The following RGL3 variants were observed in gnomAD, a reference collection of about 807,000 sequenced individuals.
RGL3 encodes the protein ral guanine nucleotide dissociation stimulator-like 3.
RGL3 carries 85 observed loss-of-function variants against 90.6 expected under a neutral mutation model. The observed-to-expected ratio is 0.94, with a 90% CI of 0.79 to 1.12. The LOEUF (loss-of-function observed/expected upper bound fraction) is 1.12. Ranked by LOEUF, RGL3 falls within the 50% of genes most tolerant of loss-of-function variation. The pLI is 0.00. For missense variants in RGL3, 1,034 were observed against 939.2 expected, an observed-to-expected ratio of 1.10 and a Z score of -1.32; for synonymous variants, 408 against 385.5, an observed-to-expected ratio of 1.06 and a Z score of -0.68.
At chr19:11,416,696 A>C in intron 3 of RGL3, 29 bp from the exon 4 acceptor site, 2 of 1,611,128 alleles carry the variant, frequency 1.2e-6, no homozygotes, top group Non-Finnish European at 1.7e-6. Context: ...GCAGGTGAAG[A>C]AGGGGGAACC....
At chr19:11,416,191 G>A (rs1056278607) in intron 4 of RGL3, 43 bp from the exon 5 acceptor site, 2 of 1,402,390 alleles carry the variant, frequency 1.4e-6, no homozygotes, top group East Asian at 2.5e-5. Flanking sequence ...CCAGAGTGGG[G>A]GACATAGAAT....
At chr19:11,408,814 A>G (rs1190094561) in intron 5 of RGL3, 1 of 152,192 alleles carries the variant, frequency 6.6e-6, no homozygotes, top group African/African-American at 2.4e-5. Flanking sequence ...GATTGTTCAC[A>G]GTTACAGATC....
chr19:11,414,155 A>ATATATATATATATATATACACACC (rs1968922253), intron 5 of RGL3, among the ~76,000 whole-genome samples: 1 of 88,022 alleles, frequency 1.1e-5, no homozygotes, highest in Non-Finnish European at 2.2e-5. Flanking sequence ...ATATATATAT[A>ATATATATATATATATATACACACC]TATATATATA....
Position 11,405,884 on chromosome 19 carries a change from T to A in RGL3, c.997-458A>T, listed in dbSNP as rs533981488. Among the ~76,000 whole-genome samples, 3 of 143,916 alleles carry A rather than the reference T, an allele frequency of 2.1e-5. No individual in the cohort carries two copies. The East Asian group carries it at 5.8e-4, about 28-fold the overall frequency. 94.4% of individuals were successfully genotyped at this position (143,916 alleles called of 152,430 possible). ...CTAATTTTTTTGTAAGTCTCATTTTTAATTTTTTTAATTTTTTTTTTTTTT... is the reference window on the plus strand; with the variant it reads ...CTAATTTTTTTGTAAGTCTCATTTTAAATTTTTTTAATTTTTTTTTTTTTT... On this transcript the variant is annotated intron_variant, in intron 7 of 18. Transcript: ENST00000380456.
At chr19:11,411,059 A>G (rs764745563) in intron 5 of RGL3, among the ~76,000 whole-genome samples, 7 of 151,844 alleles carry the variant, frequency 4.6e-5, no homozygotes, top group Non-Finnish European at 1.0e-4. Context: ...AAATACAAAA[A>G]TTAGCTGGGC....
intron 5 of RGL3, 125 bp from the exon 6 acceptor site, chr19:11,406,989 A>T: frequency 9.9e-7 from 1 of 1,015,190 alleles, no homozygotes; most frequent in Non-Finnish European, 1.4e-6. Flanking sequence ...AGCTCTCTTA[A>T]ATTTTTTTTT....
rs150285646 is a variant in RGL3 at position 11,404,554 on chromosome 19, AC to A, written c.1185+592del. Among the ~76,000 whole-genome samples the A allele has an allele frequency of 3.2e-4, 48 of 151,086 alleles. 1 individual carries two copies. In the East Asian group the frequency reaches 8.1e-3, roughly 26 times the overall value. On this transcript the variant is annotated intron_variant, in intron 9 of 18. Coordinates refer to ENST00000380456, the MANE Select transcript of RGL3 (RefSeq NM_001035223.4). Reference sequence around the variant, plus strand: ...TACAAACAAACAAAGAAACAAAAAAACAAATGATGACGACAACAACAACAAC... The same window carrying A: ...TACAAACAAACAAAGAAACAAAAAAAAAATGATGACGACAACAACAACAAC...
intron 7 of RGL3, 68 bp from the exon 8 acceptor site, chr19:11,405,494 C>CTTTTTTTTTTTTTTTTTTT (rs771398199): frequency 2.4e-5 from 4 of 164,050 alleles, no homozygotes; most frequent in Non-Finnish European, 3.6e-5. Flanking sequence ...ACTTCTTCAT[C>CTTTTTTTTTTTTTTTTTTT]TTTTTTTTTT....
At chr19:11,414,080 T>C (rs1369583386) in intron 5 of RGL3, among the ~76,000 whole-genome samples, 2 of 137,142 alleles carry the variant, frequency 1.5e-5, no homozygotes, top group Non-Finnish European at 3.1e-5. Flanking sequence ...CAGGGGCTAG[T>C]GGATACCACA....
intron 5 of RGL3, among the ~76,000 whole-genome samples, chr19:11,412,944 C>T (rs554161304): frequency 4.0e-5 from 6 of 151,520 alleles, no homozygotes; most frequent in South Asian, 2.1e-4. Flanking sequence ...CCAGCCTAGG[C>T]GACAGAGCGA....
chr19:11,403,286 G>A (rs1968713025), intron 9 of RGL3, among the ~76,000 whole-genome samples: 1 of 149,718 alleles, frequency 6.7e-6, no homozygotes, highest in Admixed American at 6.6e-5. Flanking sequence ...CCGCCTGCCT[G>A]GGCCTCCCAA....
intron 5 of RGL3, among the ~76,000 whole-genome samples, chr19:11,409,054 G>A (rs937949604): frequency 3.3e-5 from 5 of 151,914 alleles, no homozygotes; most frequent in East Asian, 3.9e-4. Context: ...GCAAGTGCCT[G>A]TAATCCCAGC....
At chr19:11,413,253 G>A (rs1968902441) in intron 5 of RGL3, among the ~76,000 whole-genome samples, 1 of 146,970 alleles carries the variant, frequency 6.8e-6, no homozygotes, top group Non-Finnish European at 1.5e-5. Flanking sequence ...AAAAAAAAGC[G>A]GGCCAGGCAT....
Position 11,414,458 on chromosome 19 carries a change from T to C in RGL3, c.637+1479A>G, listed in dbSNP as rs867238736. Among the ~76,000 whole-genome samples, 38 of 93,500 alleles carry C rather than the reference T, an allele frequency of 4.1e-4. 1 individual carries two copies. The highest frequency in any genetic ancestry group is 7.5e-4 in the Admixed American group (6 of 8,048). The allele number at this position is 93,500 out of a possible 152,430, so 61.3% of individuals were successfully genotyped here. A position where few individuals can be genotyped will look rare whatever the true frequency, so the allele number is the denominator to read the frequency against. ...CTTCATATATATACATATATATATA[T>C]ACCTTCATATATATATATATATATA... On this transcript the variant is annotated intron_variant, in intron 5 of 18. Coordinates refer to ENST00000380456, the MANE Select transcript of RGL3 (RefSeq NM_001035223.4).
intron 5 of RGL3, among the ~76,000 whole-genome samples, chr19:11,415,476 G>T (rs901326922): frequency 2.0e-5 from 3 of 152,008 alleles, no homozygotes; most frequent in Admixed American, 1.3e-4. Flanking sequence ...TTCAGACAAA[G>T]AATTTGTTTT....
chr19:11,396,573 TG>T (rs1376703564), intron 18 of RGL3, among the ~76,000 whole-genome samples: 1 of 151,568 alleles, frequency 6.6e-6, no homozygotes, highest in Non-Finnish European at 1.5e-5. Context: ...CCCAAAGTGC[TG>T]GGATTACAGT....
chr19:11,400,019 A>T, intron 15 of RGL3, 21 bp downstream of exon 15: 2 of 1,602,524 alleles, frequency 1.2e-6, no homozygotes, highest in Non-Finnish European at 1.7e-6. Context: ...CCCCAGTCCC[A>T]TCACCAAGCA....
chr19:11,418,103 C>T (rs1969034774), intron 2 of RGL3, among the ~76,000 whole-genome samples: 1 of 151,830 alleles, frequency 6.6e-6, no homozygotes, highest in Non-Finnish European at 1.5e-5. Flanking sequence ...TAGGTGTGTG[C>T]CCCACTCCCT....
rs768086013 is a variant in RGL3 at position 11,416,189 on chromosome 19, G to A, written c.426-41C>T. 5 of 1,410,432 alleles carry A rather than the reference G, an allele frequency of 3.5e-6. No individual in the cohort carries two copies. The African/African-American group carries it at 5.8e-5, about 16-fold the overall frequency. The allele number at this position is 1,410,432 out of a possible 1,614,324, so 87.4% of individuals were successfully genotyped here. A position where few individuals can be genotyped will look rare whatever the true frequency, so the allele number is the denominator to read the frequency against. On this transcript the variant is annotated intron_variant, in intron 4 of 18. Transcript: ENST00000380456. Reference sequence around the variant, plus strand: ...GGGTCTCAGAGCTGGGTCCAGAGTGGGGGACATAGAATATGACTCCTGGTA... The same window carrying A: ...GGGTCTCAGAGCTGGGTCCAGAGTGAGGGACATAGAATATGACTCCTGGTA...
Sources: allele counts gnomAD v4.1 joint callset (sites outside exome capture counted in the v4.1 genomes callset), GRCh38; gene constraint gnomAD v4.1.1; transcripts MANE v1.5; gene names NCBI Gene and HGNC (gene_info 2026-07-23, HGNC 2026-07-21).